The following KPTN variants were observed in gnomAD, a reference collection of about 807,000 sequenced individuals.
The protein encoded by KPTN is kaptin, actin binding protein, also known as KICSTOR complex protein kaptin.
In KPTN, 36 loss-of-function variants were observed where a neutral mutation model predicts 52.6. That is an observed-to-expected ratio of 0.68 (90% CI 0.52 to 0.90). The LOEUF (loss-of-function observed/expected upper bound fraction) is 0.90. Among genes scored for constraint, KPTN ranks in the 40% least tolerant of loss-of-function variants. The probability of loss-of-function intolerance (pLI) is 0.00; values close to 1 mark genes in which losing one functional copy is unlikely to be tolerated. For synonymous variants in KPTN, 271 were observed against 248.4 expected (o/e 1.09, Z -0.85); for missense variants, 529 against 576.2 (o/e 0.92, Z 0.84).
At chr19:47,483,813 AC>A (rs1878041911) in intron 1 of KPTN, 121 bp downstream of exon 1, 4 of 1,345,768 alleles carry the variant, frequency 3.0e-6, no homozygotes, top group Non-Finnish European at 1.0e-6. Context: ...GATCCCAGTG[AC>A]CCCCTTAAAA....
intron 5 of KPTN, 37 bp downstream of exon 5, chr19:47,480,921 C>A: frequency 6.2e-7 from 1 of 1,611,796 alleles, no homozygotes; most frequent in South Asian, 1.1e-5. Flanking sequence ...CACAGTGAAT[C>A]CCACAGGGCT....
rs370457270 is a variant in KPTN at position 47,475,382 on chromosome 19, G to A, written c.*34C>T. 40 of 1,603,990 alleles carry A rather than the reference G, an allele frequency of 2.5e-5. 1 individual carries two copies. The highest frequency in any genetic ancestry group is 4.5e-5 in the East Asian group (2 of 44,470). On this transcript the variant is annotated 3_prime_UTR_variant, in exon 12 of 12. Transcript: ENST00000338134. The stretch of plus-strand genomic sequence containing the variant: ...GCTGGAGGTGAGCACGCCATGAGTC[G>A]CCCCAGGTCTGGGAAGAGTGGGTGC...
chr19:47,484,093 G>C lies in KPTN; in HGVS notation c.68C>G (p.Ser23Trp), dbSNP rs757800593. ...CAGCCCGTACACATTGCTCTGCGAC[G>C]AGAAGCGCGTGAAGCTGTCCTCGCG... ...PLREDSFTRFSSQSNVYGLAG... is the reference protein window; with the variant it reads ...PLREDSFTRFWSQSNVYGLAG... Residue 23 changes from serine (S) to tryptophan (W), a missense_variant, in exon 1 of 12, where the codon TCG becomes TGG. Ser to Trp is a radical substitution (Grantham distance 177). Transcript: ENST00000338134. 1 of 1,607,148 alleles carries C rather than the reference G, an allele frequency of 6.2e-7. No homozygotes were observed. Among genetic ancestry groups the C allele is most frequent in the Non-Finnish European group, 8.5e-7 (1 of 1,179,760 alleles).
intron 1 of KPTN, 104 bp downstream of exon 1, chr19:47,483,831 G>T: frequency 6.7e-7 from 1 of 1,488,918 alleles, no homozygotes; most frequent in East Asian, 2.3e-5. Context: ...AAAACCACCT[G>T]ATCCCATTCT....
rs1044735709 is a variant in KPTN, at chr19:47,477,290, G to A, written c.864-352C>T. Among the ~76,000 whole-genome samples the A allele has an allele frequency of 1.3e-4, 20 of 152,194 alleles. 1 individual carries two copies. Among genetic ancestry groups the A allele is most frequent in the Non-Finnish European group, 2.8e-4 (19 of 68,028 alleles). On this transcript the variant is annotated intron_variant, in intron 9 of 11. Transcript: ENST00000338134. ...CCTGGACACCTTCACCACCCCTAGA[G>A]GGGTGCCAGAGCTGGCTATAGTTGC... is the stretch of plus-strand genomic sequence containing the variant.
At chr19:47,477,888 C>T (rs1294065868) in intron 8 of KPTN, 107 bp from the exon 9 acceptor site, 19 of 692,858 alleles carry the variant, frequency 2.7e-5, no homozygotes, top group Admixed American at 1.7e-4. Context: ...GATAAAACCC[C>T]GCCTCTACTA....
intron 4 of KPTN, among the ~76,000 whole-genome samples, chr19:47,482,480 C>CAAAA (rs774530971): frequency 1.4e-5 from 1 of 70,146 alleles, no homozygotes; most frequent in African/African-American, 5.2e-5. Context: ...GCATCTATCT[C>CAAAA]AAAAAAAAAA....
Position 47,477,693 on chromosome 19 carries a change from C to T in KPTN, c.863+13G>A. On this transcript the variant is annotated intron_variant, in intron 9 of 11. Transcript: ENST00000338134. ...AAGGTTAGACCACACCCATGTGTCT[C>T]AGGCCCCCTCACCGATACACCACTG... 1 of 1,608,202 alleles carries T rather than the reference C, an allele frequency of 6.2e-7. No individual in the cohort carries two copies. The highest frequency in any genetic ancestry group is 8.5e-7 in the Non-Finnish European group (1 of 1,174,710).
upstream of KPTN, among the ~76,000 whole-genome samples, chr19:47,484,951 C>T (rs1436284321): frequency 6.6e-6 from 1 of 152,120 alleles, no homozygotes; most frequent in Admixed American, 6.5e-5. Context: ...CCGCCCACCT[C>T]GGCCTCCCAA....
At chr19:47,479,560 A>G (rs923870352) in intron 8 of KPTN, among the ~76,000 whole-genome samples, 1 of 152,146 alleles carries the variant, frequency 6.6e-6, no homozygotes, top group Non-Finnish European at 1.5e-5. Context: ...GGAGAGGTGG[A>G]TGCTCAGCCC....
At chr19:47,476,987 C>T (rs1355357305) in intron 9 of KPTN, 49 bp from the exon 10 acceptor site, 18 of 1,536,540 alleles carry the variant, frequency 1.2e-5, no homozygotes, top group Admixed American at 2.0e-5. Flanking sequence ...TTGCAGTGCC[C>T]AGCACCCTTG....
upstream of KPTN, among the ~76,000 whole-genome samples, chr19:47,485,529 G>C (rs538650735): frequency 3.3e-5 from 5 of 152,330 alleles, no homozygotes; most frequent in African/African-American, 1.2e-4. Context: ...GACACCTCGA[G>C]CACACACAGA....
In KPTN at chr19:47,483,948, G is replaced by A; in HGVS notation, c.213C>T (p.Phe71=). The change falls in exon 1 of 12, where the codon TTC becomes TTT. Residue 71 remains phenylalanine, a synonymous_variant. Transcript: ENST00000338134. ...KIRPVAKELQ[F]NYIPVDAEIV... ...AGCGCCACCCACCGGGAATGTAGTTGAACTGCAGCTCCTTGGCCACTGGCC... is the reference window on the plus strand; with the variant it reads ...AGCGCCACCCACCGGGAATGTAGTTAAACTGCAGCTCCTTGGCCACTGGCC... The A allele has an allele frequency of 6.2e-7, 1 of 1,613,258 alleles. No individual in the cohort carries two copies. Among genetic ancestry groups the A allele is most frequent in the South Asian group, 1.1e-5 (1 of 91,034 alleles).
Position 47,475,288 on chromosome 19 carries a change from G to A in KPTN, c.*128C>T, listed in dbSNP as rs550816424. On this transcript the variant is annotated 3_prime_UTR_variant, in exon 12 of 12. Transcript: ENST00000338134. The stretch of plus-strand genomic sequence containing the variant: ...AGGAGTGGGTTAGCTGGGGCCCCAG[G>A]GCACAGCTTCACCACCCTGGGGAGG... The A allele has an allele frequency of 1.7e-4, 201 of 1,184,278 alleles. 1 individual carries two copies. The highest frequency in any genetic ancestry group is 2.2e-4 in the Non-Finnish European group (192 of 864,620). The allele number at this position is 1,184,278 out of a possible 1,614,324, so 73.4% of individuals were successfully genotyped here.
At chr19:47,479,632 G>A (rs1261821863) in intron 8 of KPTN, among the ~76,000 whole-genome samples, 1 of 152,102 alleles carries the variant, frequency 6.6e-6, no homozygotes, top group African/African-American at 2.4e-5. Context: ...TAACAGAAAA[G>A]ATATGGGTTA....
At position 47,479,944 on chromosome 19, in the gene KPTN, C is replaced by T. The variant is rs202231507; in HGVS notation, c.710-4G>A. 7.5e-6 allele frequency: 12 copies of T among 1,609,490 alleles called. No homozygotes were observed. The highest frequency in any genetic ancestry group is 1.7e-4 in the Middle Eastern group (1 of 6,038). On this transcript the variant is annotated splice_region_variant and splice_polypyrimidine_tract_variant and intron_variant, in intron 7 of 11. Coordinates refer to ENST00000338134, the MANE Select transcript of KPTN (RefSeq NM_007059.4). ...ACCGACCACATCTGCAGAACCTCTG[C>T]GTGGAGAGCGAGGATTCAGAGCCCC...
At position 47,481,099 on chromosome 19, in the gene KPTN, C is replaced by G. The variant is rs1324381261; in HGVS notation, c.450-66G>C. The G allele has an allele frequency of 1.2e-5, 16 of 1,332,190 alleles. No homozygotes were observed. In the East Asian group the frequency reaches 3.8e-4, roughly 31 times the overall value. 82.5% of individuals were successfully genotyped at this position (1,332,190 alleles called of 1,614,324 possible). A position where few individuals can be genotyped will look rare whatever the true frequency, so the allele number is the denominator to read the frequency against. Reference sequence around the variant, plus strand: ...ACATGGTCTGAGAACCAGAACTCTCCTCTTGCAAAAACCCCTGCCTGTTGA... The same window carrying G: ...ACATGGTCTGAGAACCAGAACTCTCGTCTTGCAAAAACCCCTGCCTGTTGA... On this transcript the variant is annotated intron_variant, in intron 4 of 11. Coordinates refer to ENST00000338134, the MANE Select transcript of KPTN (RefSeq NM_007059.4).
intron 8 of KPTN, 58 bp downstream of exon 8, chr19:47,479,805 A>G: frequency 7.1e-7 from 1 of 1,410,598 alleles, no homozygotes; most frequent in Non-Finnish European, 1.0e-6. Context: ...CCAAGAATGC[A>G]GAGTTGCCTC....
At chr19:47,476,306 C>T in intron 11 of KPTN, 2 of 314,556 alleles carry the variant, frequency 6.4e-6, no homozygotes, top group East Asian at 8.9e-5. Flanking sequence ...AAGACTCTGT[C>T]TCAAAAATAA....
Sources: gnomAD v4.1 joint callset for allele counts (sites outside exome capture counted in the v4.1 genomes callset) on GRCh38, gnomAD v4.1.1 for gene constraint, MANE v1.5 for transcripts, NCBI Gene and HGNC (gene_info 2026-07-23, HGNC 2026-07-21) for gene names.